The following TOP1 variants were observed in gnomAD, a reference collection of about 807,000 sequenced individuals.
The protein encoded by TOP1 is DNA topoisomerase I, also known as DNA topoisomerase 1.
In TOP1, 10 loss-of-function variants were observed where a neutral mutation model predicts 111.1. That is an observed-to-expected ratio of 0.09 (90% CI 0.06 to 0.15). The LOEUF (loss-of-function observed/expected upper bound fraction) is 0.15, where lower values mean the gene tolerates loss of function less well. Ranked by LOEUF, TOP1 falls within the 10% of genes least tolerant of loss-of-function variation. TOP1 has a pLI of 1.00. For missense variants in TOP1, 474 were observed against 926.7 expected (o/e 0.51, Z 6.34); for synonymous variants, 271 against 302.9 (o/e 0.89, Z 1.10).
In TOP1 at chr20:41,106,132, G is replaced by A. The variant is rs2034141899; in HGVS notation, c.1308+4779G>A. Among the ~76,000 whole-genome samples, 1 of 152,078 alleles carries A rather than the reference G, an allele frequency of 6.6e-6. No individual in the cohort carries two copies. Among genetic ancestry groups the A allele is most frequent in the Admixed American group, 6.6e-5 (1 of 15,256 alleles). The stretch of plus-strand genomic sequence containing the variant: ...ATATTTTCCAAATGAGTAAACTGTT[G>A]TCACAGAACTATTTAGTTGTATTAC... On this transcript the variant is annotated intron_variant, in intron 13 of 20. Coordinates refer to ENST00000361337, the MANE Select transcript of TOP1 (RefSeq NM_003286.4). The surrounding 1 kb of genome is among the most constrained non-coding windows in gnomAD (Gnocchi z 4.3).
In TOP1 at chr20:41,029,983, T is replaced by C. The variant is rs1279166589; in HGVS notation, c.58+528T>C. On this transcript the variant is annotated intron_variant, in intron 2 of 20. Coordinates refer to ENST00000361337, the MANE Select transcript of TOP1 (RefSeq NM_003286.4). The surrounding 1 kb of genome is among the most constrained non-coding windows in gnomAD (Gnocchi z 6.1). Reference sequence around the variant, plus strand: ...ATTCCCTTTATGCTTCATGTTTGTTTCCTTTTCTGCTTCCAGAATGAAAGA... The same window carrying C: ...ATTCCCTTTATGCTTCATGTTTGTTCCCTTTTCTGCTTCCAGAATGAAAGA... Among the ~76,000 whole-genome samples the C allele has an allele frequency of 2.0e-5, 3 of 152,250 alleles. No homozygotes were observed. Among genetic ancestry groups the C allele is most frequent in the African/African-American group, 7.2e-5 (3 of 41,472 alleles).
At chr20:41,050,558 C>T (rs1378807519) in intron 2 of TOP1, among the ~76,000 whole-genome samples, 1 of 152,182 alleles carries the variant, frequency 6.6e-6, no homozygotes, top group African/African-American at 2.4e-5. Context: ...TAAGATGGCT[C>T]ACAGACAGGG....
Position 41,080,006 on chromosome 20 carries a change from C to A in TOP1, c.336-79C>A, listed in dbSNP as rs566555168. The A allele has an allele frequency of 1.6e-5, 14 of 871,284 alleles. No homozygotes were observed. In the South Asian group the frequency reaches 1.8e-4, roughly 11 times the overall value. The allele number at this position is 871,284 out of a possible 1,614,324, so 54.0% of individuals were successfully genotyped here. On this transcript the variant is annotated intron_variant, in intron 5 of 20. Transcript: ENST00000361337. The surrounding 1 kb of genome is among the most constrained non-coding windows in gnomAD (Gnocchi z 5.0). ...CTTATTTCTGTTAGCTTCTTTTCAA[C>A]GAAATGACATATTCCTTCTTTGTAT...
At chr20:41,033,991 A>AG (rs1170425222) in intron 2 of TOP1, among the ~76,000 whole-genome samples, 1 of 152,218 alleles carries the variant, frequency 6.6e-6, no homozygotes, top group Non-Finnish European at 1.5e-5. Flanking sequence ...TTTAAAAAAA[A>AG]AAACCCTATT....
intron 14 of TOP1, among the ~76,000 whole-genome samples, chr20:41,113,264 G>A (rs1447500743): frequency 6.6e-6 from 1 of 152,136 alleles, no homozygotes; most frequent in Non-Finnish European, 1.5e-5. Flanking sequence ...AAAAGTTCAT[G>A]TTTTTCCCCC....
intron 17 of TOP1, among the ~76,000 whole-genome samples, chr20:41,117,579 G>C (rs2034353482): frequency 6.6e-6 from 1 of 151,554 alleles, no homozygotes; most frequent in Non-Finnish European, 1.5e-5. Flanking sequence ...GTAGAGACAG[G>C]GTTCACCGTG....
intron 2 of TOP1, among the ~76,000 whole-genome samples, chr20:41,040,744 T>C (rs2033252499): frequency 6.9e-6 from 1 of 144,444 alleles, no homozygotes; most frequent in East Asian, 2.0e-4. Flanking sequence ...AGGCAGAGGT[T>C]GCAATGAGCC....
At chr20:41,089,020 C>CTTTTTTTTGTTT (rs2033883671) in intron 8 of TOP1, among the ~76,000 whole-genome samples, 1 of 77,926 alleles carries the variant, frequency 1.3e-5, no homozygotes, top group Non-Finnish European at 2.2e-5. Flanking sequence ...TGCCCCAGTT[C>CTTTTTTTTGTTT]TTTTTTTTTT....
intron 2 of TOP1, among the ~76,000 whole-genome samples, chr20:41,047,532 GA>G (rs1363720741): frequency 1.3e-5 from 2 of 152,108 alleles, no homozygotes; most frequent in South Asian, 2.1e-4. Context: ...GTAGTTGGAG[GA>G]AAAAAATTGA....
Position 41,115,318 on chromosome 20 carries a change from A to G in TOP1, c.1639-53A>G. On this transcript the variant is annotated intron_variant, in intron 15 of 20. Transcript: ENST00000361337. This position sits in a 1 kb window ranked among gnomAD's most constrained non-coding sequence, Gnocchi z 6.3. ...TTTCTTTAAGTTTGGGGTTATTTCTAAAGTTAGGATTTTTTTCAAGAGTAA... is the reference window on the plus strand; with the variant it reads ...TTTCTTTAAGTTTGGGGTTATTTCTGAAGTTAGGATTTTTTTCAAGAGTAA... The G allele has an allele frequency of 7.5e-7, 1 of 1,337,124 alleles. No individual in the cohort carries two copies. Among genetic ancestry groups the G allele is most frequent in the Non-Finnish European group, 1.1e-6 (1 of 937,606 alleles). 82.8% of individuals were successfully genotyped at this position (1,337,124 alleles called of 1,614,324 possible).
intron 13 of TOP1, among the ~76,000 whole-genome samples, chr20:41,105,140 G>A (rs997436315): frequency 1.3e-5 from 2 of 151,854 alleles, no homozygotes; most frequent in Admixed American, 6.6e-5. Context: ...CTATGAACTC[G>A]GTCTTTTTAT....
intron 3 of TOP1, chr20:41,072,465 C>T: frequency 1.0e-6 from 1 of 985,408 alleles, no homozygotes; most frequent in African/African-American, 1.7e-5. Flanking sequence ...GATGAGTCAG[C>T]CTGACTGACC....
intron 2 of TOP1, among the ~76,000 whole-genome samples, chr20:41,060,266 C>T (rs1056475714): frequency 6.6e-6 from 1 of 152,148 alleles, no homozygotes; most frequent in Non-Finnish European, 1.5e-5. Flanking sequence ...AATTGTCCAG[C>T]AGGTGAATGG....
intron 18 of TOP1, among the ~76,000 whole-genome samples, chr20:41,119,081 T>TA (rs1159496474): frequency 2.0e-5 from 3 of 152,230 alleles, no homozygotes; most frequent in African/African-American, 7.2e-5. Flanking sequence ...TATATTGAAA[T>TA]ACAGTTATCA....
Position 41,123,208 on chromosome 20 carries a change from G to A in TOP1, c.2209G>A (p.Gly737Ser). ...CTTTGTTTGCAGGTGCAAGAAGTGG[G>A]GTGTCCCAATTGAGAAGATTTACAA... ...RITVAWCKKW[G>S]VPIEKIYNKT... The change falls in exon 21 of 21, where the codon GGT becomes AGT. Residue 737 changes from glycine (G) to serine (S), a missense_variant. This residue lies in a region of TOP1 where 26 missense variants were observed against 81.8 expected (regional missense o/e 0.32). Transcript: ENST00000361337. The surrounding 1 kb of genome is among the most constrained non-coding windows in gnomAD (Gnocchi z 5.8). The A allele has an allele frequency of 1.2e-6, 2 of 1,613,958 alleles. No individual in the cohort carries two copies. The highest frequency in any genetic ancestry group is 1.7e-6 in the Non-Finnish European group (2 of 1,179,860).
chr20:41,112,936 C>T lies in TOP1; in HGVS notation c.1452+11C>T. ...TACTTCATCGACAAGGTGAGAGCAT[C>T]TTCCCATCGGCATTGTCTAGTGTTG... On this transcript the variant is annotated intron_variant, in intron 14 of 20. Transcript: ENST00000361337. This position sits in a 1 kb window ranked among gnomAD's most constrained non-coding sequence, Gnocchi z 5.8. 6.2e-7 allele frequency: 1 copy of T among 1,613,140 alleles called. No individual in the cohort carries two copies. The highest frequency in any genetic ancestry group is 8.5e-7 in the Non-Finnish European group (1 of 1,179,378).
At position 41,095,082 on chromosome 20, in the gene TOP1, C is replaced by T. The variant is rs2033965837; in HGVS notation, c.731-2138C>T. On this transcript the variant is annotated intron_variant, in intron 9 of 20. Coordinates refer to ENST00000361337, the MANE Select transcript of TOP1 (RefSeq NM_003286.4). The surrounding 1 kb of genome is among the most constrained non-coding windows in gnomAD (Gnocchi z 4.6). The stretch of plus-strand genomic sequence containing the variant: ...TATTTATTTATTTGAGACAGAGTCA[C>T]ACTCTGTCACCCAGGCTGGAGTGCA... 6.6e-6 allele frequency among the ~76,000 whole-genome samples: 1 copy of T among 152,082 alleles called. No individual in the cohort carries two copies. The highest frequency in any genetic ancestry group is 6.6e-5 in the Admixed American group (1 of 15,264).
Position 41,106,828 on chromosome 20 carries a change from T to C in TOP1, c.1308+5475T>C, listed in dbSNP as rs973602237. 6.6e-6 allele frequency among the ~76,000 whole-genome samples: 1 copy of C among 152,166 alleles called. No homozygotes were observed. The highest frequency in any genetic ancestry group is 6.5e-5 in the Admixed American group (1 of 15,276). The stretch of plus-strand genomic sequence containing the variant: ...GTGTCTGTCATTTGGGGTTTCTATG[T>C]AGATAATTTAATTATCTATAAAAAC... On this transcript the variant is annotated intron_variant, in intron 13 of 20. Coordinates refer to ENST00000361337, the MANE Select transcript of TOP1 (RefSeq NM_003286.4). The surrounding 1 kb of genome is among the most constrained non-coding windows in gnomAD (Gnocchi z 4.3).
Position 41,100,195 on chromosome 20 carries a change from T to C in TOP1, c.1115T>C (p.Met372Thr). ...RGRGNHPKMG[M>T]LKRRIMPEDI... The stretch of plus-strand genomic sequence containing the variant: ...CGCGGCAACCACCCCAAGATGGGCA[T>C]GCTGAAGAGACGAATCATGCCCGAG... The change falls in exon 12 of 21, where the codon ATG becomes ACG. Residue 372 changes from methionine (M) to threonine (T), a missense_variant. By Grantham distance (81) the Met-to-Thr change is moderately conservative. Around this residue, in one of 14 missense-constraint regions of TOP1, gnomAD observed 14 missense variants for 66.1 expected, o/e 0.21. Coordinates refer to ENST00000361337, the MANE Select transcript of TOP1 (RefSeq NM_003286.4). This position sits in a 1 kb window ranked among gnomAD's most constrained non-coding sequence, Gnocchi z 4.4. 1 of 1,614,080 alleles carries C rather than the reference T, an allele frequency of 6.2e-7. No individual in the cohort carries two copies. Among genetic ancestry groups the C allele is most frequent in the Non-Finnish European group, 8.5e-7 (1 of 1,179,956 alleles).
Sources: allele counts gnomAD v4.1 joint callset (sites outside exome capture counted in the v4.1 genomes callset), GRCh38; gene constraint gnomAD v4.1.1; regional missense constraint gnomAD v4.1.1; non-coding constraint Gnocchi (gnomAD v3.1); transcripts MANE v1.5; gene names NCBI Gene and HGNC (gene_info 2026-07-23, HGNC 2026-07-21).